The following ANAPC4 variants were observed in gnomAD, a reference collection of about 807,000 sequenced individuals.
The protein encoded by ANAPC4 is anaphase-promoting complex subunit 4.
A neutral mutation model predicts 119.8 loss-of-function variants in ANAPC4; 63 were observed. The ratio of observed to expected loss-of-function variants is 0.53; its 90% CI spans 0.43 to 0.65. The LOEUF is 0.65. ANAPC4 is among the 30% of genes least tolerant of loss of function. The pLI is 0.00. For missense variants in ANAPC4, 716 were observed against 945.1 expected (o/e 0.76, Z 3.18); for synonymous variants, 283 against 318.6 (o/e 0.89, Z 1.19).
rs111631649 is a variant in ANAPC4 at position 25,380,015 on chromosome 4, C to G, written c.130-359C>G. ...GTGACACAGCTGAAACTAGGTGCCA[C>G]GTGGACTAATTCCAAGCTTAGTATA... On this transcript the variant is annotated intron_variant, in intron 2 of 28. Transcript: ENST00000315368. Among the ~76,000 whole-genome samples, 919 of 152,270 alleles carry G rather than the reference C, an allele frequency of 6.0e-3. 8 individuals are homozygous for G. The highest frequency in any genetic ancestry group is 0.021 in the African/African-American group (859 of 41,544).
At chr4:25,409,835 T>A (rs760805703) in intron 21 of ANAPC4, 44 bp downstream of exon 21, 4 of 1,423,446 alleles carry the variant, frequency 2.8e-6, no homozygotes, top group Admixed American at 3.4e-5. Context: ...TTGTTTTTAT[T>A]TAAGACTAGG....
intron 20 of ANAPC4, among the ~76,000 whole-genome samples, chr4:25,408,582 G>C (rs1479494920): frequency 2.0e-5 from 3 of 150,890 alleles, no homozygotes; most frequent in South Asian, 2.1e-4. Context: ...GTAGTACAGT[G>C]GTGCAATCAC....
chr4:25,415,871 A>T (rs1723844550), intron 26 of ANAPC4: 1 of 219,084 alleles, frequency 4.6e-6, no homozygotes, highest in African/African-American at 2.3e-5. Context: ...TTATGAGGTG[A>T]TGCCATTCTT....
At chr4:25,410,167 C>T (rs1257452541) in intron 21 of ANAPC4, among the ~76,000 whole-genome samples, 4 of 152,180 alleles carry the variant, frequency 2.6e-5, no homozygotes, top group Admixed American at 2.0e-4. Flanking sequence ...GTATTCTCCT[C>T]GGGTTGTAGT....
rs1721448235 is a variant in ANAPC4, at chr4:25,377,281, G to A, written c.-74G>A. On this transcript the variant is annotated 5_prime_UTR_variant, in exon 1 of 29. Coordinates refer to ENST00000315368, the MANE Select transcript of ANAPC4 (RefSeq NM_013367.3). ...GGGCGGCCTGGAGGCTGTGGCGCGCGGCCGGCAGAGGGAGGGGAGAGGCCA... is the reference window on the plus strand; with the variant it reads ...GGGCGGCCTGGAGGCTGTGGCGCGCAGCCGGCAGAGGGAGGGGAGAGGCCA... The A allele has an allele frequency of 8.8e-7, 1 of 1,141,100 alleles. No homozygotes were observed. Among genetic ancestry groups the A allele is most frequent in the South Asian group, 1.7e-5 (1 of 59,974 alleles). 70.7% of individuals were successfully genotyped at this position (1,141,100 alleles called of 1,614,324 possible). A position where few individuals can be genotyped will look rare whatever the true frequency, so the allele number is the denominator to read the frequency against.
At chr4:25,400,312 G>A (rs1448142323) in intron 16 of ANAPC4, among the ~76,000 whole-genome samples, 1 of 152,146 alleles carries the variant, frequency 6.6e-6, no homozygotes, top group African/African-American at 2.4e-5. Context: ...AGTGCAGAAG[G>A]GAAAGGGTTG....
In ANAPC4 at chr4:25,377,328, G is replaced by C; in HGVS notation, c.-27G>C. 1 of 1,506,656 alleles carries C rather than the reference G, an allele frequency of 6.6e-7. No homozygotes were observed. The highest frequency in any genetic ancestry group is 2.3e-5 in the East Asian group (1 of 43,126). 93.3% of individuals were successfully genotyped at this position (1,506,656 alleles called of 1,614,324 possible). ...GCCACTGGGGCCGTGTTAGTCTGCCGGTGGGGACTCTTGCAGGTACAGGCG... is the reference window on the plus strand; with the variant it reads ...GCCACTGGGGCCGTGTTAGTCTGCCCGTGGGGACTCTTGCAGGTACAGGCG... On this transcript the variant is annotated 5_prime_UTR_variant, in exon 1 of 29. Coordinates refer to ENST00000315368, the MANE Select transcript of ANAPC4 (RefSeq NM_013367.3).
Position 25,378,324 on chromosome 4 carries a change from A to T in ANAPC4, c.129+768A>T, listed in dbSNP as rs75605523. Among the ~76,000 whole-genome samples the T allele has an allele frequency of 4.1e-3, 617 of 152,266 alleles. 6 individuals carry two copies. The highest frequency in any genetic ancestry group is 0.014 in the African/African-American group (590 of 41,536). ...ATCTGGCCATGTGAGAGTTGTATAG[A>T]GCCAAATTTGGAAACTAGGTGATAA... On this transcript the variant is annotated intron_variant, in intron 2 of 28. Coordinates refer to ENST00000315368, the MANE Select transcript of ANAPC4 (RefSeq NM_013367.3).
At chr4:25,393,738 A>G in intron 10 of ANAPC4, 67 bp from the exon 11 acceptor site, 1 of 900,722 alleles carries the variant, frequency 1.1e-6, no homozygotes, top group Admixed American at 2.5e-5. Context: ...TCATAAGCAC[A>G]TATTATTTAG....
chr4:25,390,526 T>G (rs778444911), intron 8 of ANAPC4, among the ~76,000 whole-genome samples: 47 of 152,242 alleles, frequency 3.1e-4, no homozygotes, highest in Admixed American at 2.2e-3. Context: ...CAATTTGTGA[T>G]TGGAATGTAA....
At chr4:25,393,534 C>T (rs1293764866) in intron 10 of ANAPC4, among the ~76,000 whole-genome samples, 4 of 151,984 alleles carry the variant, frequency 2.6e-5, no homozygotes, top group East Asian at 3.9e-4. Flanking sequence ...TGGTGACGCA[C>T]GCATATAATA....
At chr4:25,413,867 G>C in intron 22 of ANAPC4, 125 bp downstream of exon 22, 1 of 767,976 alleles carries the variant, frequency 1.3e-6, no homozygotes, top group East Asian at 2.7e-5. Context: ...AACTGTTTTT[G>C]ATTAACAAAA....
At chr4:25,378,928 C>G (rs779001231) in intron 2 of ANAPC4, among the ~76,000 whole-genome samples, 2 of 152,138 alleles carry the variant, frequency 1.3e-5, no homozygotes, top group Non-Finnish European at 2.9e-5. Flanking sequence ...GTTGAAGTTA[C>G]GTGCAAGAGG....
intron 4 of ANAPC4, among the ~76,000 whole-genome samples, 188 bp downstream of exon 4, chr4:25,383,581 A>G (rs891830223): frequency 6.6e-5 from 10 of 151,968 alleles, no homozygotes; most frequent in African/African-American, 2.4e-4. Flanking sequence ...ATCTATAGGC[A>G]TACCTCAGAG....
Position 25,407,217 on chromosome 4 carries a change from A to T in ANAPC4, c.1395A>T (p.Arg465=). ...TCCAGGCTCCAGACCTTTATAATCG[A>T]AAAGGAAAATACTTTAACGTTGAAA... The part of the protein sequence containing the change: ...HFNEAPDLYN[R]KGKYFNVERV... The change falls in exon 20 of 29, where the codon CGA becomes CGT. Residue 465 remains arginine (R), a synonymous_variant. Transcript: ENST00000315368. 6.2e-7 allele frequency: 1 copy of T among 1,608,256 alleles called. No individual in the cohort carries two copies. The highest frequency in any genetic ancestry group is 8.5e-7 in the Non-Finnish European group (1 of 1,178,062).
intron 14 of ANAPC4, 73 bp downstream of exon 14, chr4:25,394,978 T>G (rs1722561114): frequency 8.7e-7 from 1 of 1,154,830 alleles, no homozygotes; most frequent in South Asian, 1.4e-5. Flanking sequence ...TCCGCCGCCT[T>G]TTCTTCATCT....
intron 4 of ANAPC4, among the ~76,000 whole-genome samples, 176 bp downstream of exon 4, chr4:25,383,569 A>G (rs1488287312): frequency 6.6e-6 from 1 of 152,106 alleles, no homozygotes; most frequent in Admixed American, 6.5e-5. Flanking sequence ...CTTCCGATAA[A>G]CATCTATAGG....
At chr4:25,414,793 C>G in intron 25 of ANAPC4, 93 bp downstream of exon 25, 4 of 1,192,704 alleles carry the variant, frequency 3.4e-6, no homozygotes, top group Non-Finnish European at 4.4e-6. Flanking sequence ...AGATTTTAAA[C>G]TACTTTGTGA....
intron 28 of ANAPC4, 185 bp from the exon 29 acceptor site, chr4:25,417,970 G>A: frequency 1.2e-6 from 1 of 833,948 alleles, no homozygotes; most frequent in South Asian, 2.0e-5. Flanking sequence ...TCACGAAATT[G>A]CCACTGTTGT....
Sources: allele counts gnomAD v4.1 joint callset (sites outside exome capture counted in the v4.1 genomes callset), GRCh38; gene constraint gnomAD v4.1.1; transcripts MANE v1.5; gene names NCBI Gene and HGNC (gene_info 2026-07-23, HGNC 2026-07-21).